The following PHKA1 variants were observed in gnomAD, a reference collection of about 807,000 sequenced individuals.
PHKA1 encodes the protein phosphorylase kinase regulatory subunit alpha 1.
PHKA1 carries 60 observed loss-of-function variants against 110.2 expected under a neutral mutation model. The ratio of observed to expected loss-of-function variants is 0.54; its 90% CI spans 0.44 to 0.68. PHKA1 has a LOEUF of 0.68. Ranked by LOEUF, PHKA1 falls within the 30% of genes least tolerant of loss-of-function variation. PHKA1 has a pLI of 0.00. For missense variants in PHKA1, 801 were observed against 942.5 expected, an observed-to-expected ratio of 0.85 and a Z score of 1.97; for synonymous variants, 316 against 333.6, an observed-to-expected ratio of 0.95 and a Z score of 0.58.
intron 5 of PHKA1, among the ~76,000 whole-genome samples, chrX:72,683,569 TATC>T (rs1271794131): frequency 8.9e-6 from 1 of 112,517 alleles, no homozygotes; most frequent in Non-Finnish European, 1.9e-5. Context: ...TGCGTGAAAC[TATC>T]ATCATAATAA....
intron 4 of PHKA1, 41 bp from the exon 5 acceptor site, chrX:72,684,621 T>C (rs1170672812): frequency 4.7e-6 from 4 of 849,395 alleles, no homozygotes; most frequent in East Asian, 6.4e-5. Context: ...TGGTCAATTA[T>C]CACTATAAGC....
intron 18 of PHKA1, chrX:72,621,676 T>C: frequency 2.1e-6 from 1 of 483,071 alleles, no homozygotes; most frequent in Non-Finnish European, 2.6e-6. Context: ...CTTTCTGTGC[T>C]CTGATGTGAC....
At chrX:72,619,447 C>A in intron 19 of PHKA1, 142 bp from the exon 20 acceptor site, 5 of 440,616 alleles carry the variant, frequency 1.1e-5, no homozygotes, top group East Asian at 4.0e-5. Flanking sequence ...TTGGTAATAT[C>A]AAAGAAAATA....
chrX:72,610,764 T>C (rs1311141335), intron 22 of PHKA1, among the ~76,000 whole-genome samples: 2 of 111,669 alleles, frequency 1.8e-5, no homozygotes, highest in Admixed American at 1.9e-4. Context: ...TTTCCCTTTC[T>C]AGGAGGTAGG....
At chrX:72,634,992 C>T (rs1455256447) in intron 16 of PHKA1, among the ~76,000 whole-genome samples, 163 bp downstream of exon 16, 1 of 112,475 alleles carries the variant, frequency 8.9e-6, no homozygotes, top group East Asian at 2.8e-4. Flanking sequence ...CTCCATGTGT[C>T]CCCAGTGCTT....
Position 72,695,572 on chromosome X carries a change from G to C in PHKA1, c.454+136C>G, listed in dbSNP as rs2054096579. On this transcript the variant is annotated intron_variant, in intron 4 of 31. Transcript: ENST00000373542. The stretch of plus-strand genomic sequence containing the variant: ...TTCTTTGCCATCTCATGATATCTGA[G>C]AATTAATAAATAATAAAAAATACCT... 1.2e-5 allele frequency: 7 copies of C among 601,396 alleles called. No individual in the cohort carries two copies. In the Admixed American group the frequency reaches 2.1e-4, roughly 18 times the overall value. 49.6% of individuals were successfully genotyped at this position (601,396 alleles called of 1,213,427 possible).
At chrX:72,637,932 A>G (rs1286026092) in intron 14 of PHKA1, among the ~76,000 whole-genome samples, 1 of 111,218 alleles carries the variant, frequency 9.0e-6, no homozygotes, top group Non-Finnish European at 1.9e-5. Context: ...TTCCATTTTC[A>G]GTGTACAAGT....
chrX:72,603,133 C>A lies in PHKA1; in HGVS notation c.2903G>T (p.Gly968Val). ...TTCAATCTCACCGCTTCGTTCCACT[C>A]CAAACTCCTTGCCGCTGAGAATGTG... Reference protein sequence around the residue: ...LHHILSGKEFGVERSVRPTDS... With the variant: ...LHHILSGKEFVVERSVRPTDS... Residue 968 changes from glycine to valine, a missense_variant, in exon 26 of 32, where the codon GGA becomes GTA. Gly to Val is a moderately radical substitution (Grantham distance 109). This residue lies in a region of PHKA1 where 502 missense variants were observed against 519.2 expected (regional missense o/e 0.97). Coordinates refer to ENST00000373542, the MANE Select transcript of PHKA1 (RefSeq NM_002637.4). 8.4e-7 allele frequency: 1 copy of A among 1,196,943 alleles called. No homozygotes were observed. The highest frequency in any genetic ancestry group is 1.1e-6 in the Non-Finnish European group (1 of 882,263).
chrX:72,653,107 C>T (rs1044413755), intron 11 of PHKA1, among the ~76,000 whole-genome samples: 29 of 111,151 alleles, frequency 2.6e-4, no homozygotes, highest in African/African-American at 7.8e-4. Flanking sequence ...TAAAACAATC[C>T]GGGATTACTG....
chrX:72,712,510 G>A lies in PHKA1; in HGVS notation c.237+269C>T, dbSNP rs781872867. On this transcript the variant is annotated intron_variant, in intron 2 of 31. Transcript: ENST00000373542. Reference sequence around the variant, plus strand: ...TTAGAGAGTCATGCATTTTAGGAAAGATCCCAGGATAGGATTTTCCACTGT... The same window carrying A: ...TTAGAGAGTCATGCATTTTAGGAAAAATCCCAGGATAGGATTTTCCACTGT... 4.5e-5 allele frequency among the ~76,000 whole-genome samples: 5 copies of A among 112,007 alleles called. No homozygotes were observed. In the East Asian group the frequency reaches 1.4e-3, roughly 31 times the overall value.
At chrX:72,647,062 G>A in intron 13 of PHKA1, among the ~76,000 whole-genome samples, 1 of 109,522 alleles carries the variant, frequency 9.1e-6, no homozygotes, top group Non-Finnish European at 1.9e-5. Context: ...AACCCAGGAG[G>A]CAGAGGTTGC....
intron 28 of PHKA1, among the ~76,000 whole-genome samples, chrX:72,601,196 T>A (rs1189593356): frequency 1.8e-5 from 2 of 112,132 alleles, no homozygotes; most frequent in Non-Finnish European, 3.8e-5. Context: ...CTGATTTAGA[T>A]GTTTCTCCCT....
intron 6 of PHKA1, among the ~76,000 whole-genome samples, chrX:72,671,048 C>T (rs1330438696): frequency 8.1e-5 from 9 of 111,528 alleles, no homozygotes; most frequent in African/African-American, 1.3e-4. Flanking sequence ...CCCTCTCTGA[C>T]CACTCCTATT....
intron 28 of PHKA1, among the ~76,000 whole-genome samples, chrX:72,595,773 T>G (rs1182147500): frequency 9.0e-6 from 1 of 111,539 alleles, no homozygotes; most frequent in African/African-American, 3.3e-5. Context: ...ATGACCGTGG[T>G]TAAAAAAACA....
At chrX:72,699,630 A>T (rs2054180775) in intron 3 of PHKA1, among the ~76,000 whole-genome samples, 1 of 110,626 alleles carries the variant, frequency 9.0e-6, no homozygotes, top group Non-Finnish European at 1.9e-5. Context: ...AAATTTTTTT[A>T]AACTAAGGTT....
At chrX:72,617,391 G>A (rs1556270879) in intron 21 of PHKA1, among the ~76,000 whole-genome samples, 2 of 110,925 alleles carry the variant, frequency 1.8e-5, no homozygotes, top group Admixed American at 9.6e-5. Context: ...ATGGTGGCAC[G>A]CACCTGTGGT....
At chrX:72,600,828 T>A (rs1556241643) in intron 28 of PHKA1, among the ~76,000 whole-genome samples, 1 of 111,316 alleles carries the variant, frequency 9.0e-6, no homozygotes, top group Non-Finnish European at 1.9e-5. Context: ...CTGGACAACA[T>A]AGTGAGACCC....
intron 6 of PHKA1, among the ~76,000 whole-genome samples, chrX:72,667,748 T>C (rs997509350): frequency 8.9e-6 from 1 of 111,916 alleles, no homozygotes; most frequent in African/African-American, 3.2e-5. Flanking sequence ...TCAACTTCTT[T>C]AGATTCCACA....
chrX:72,622,351 A>G (rs1603257600), intron 18 of PHKA1: 2 of 752,727 alleles, frequency 2.7e-6, no homozygotes, highest in Non-Finnish European at 3.1e-6. Flanking sequence ...CTGCCTTAAG[A>G]TACAGGCTAA....
Sources: allele counts gnomAD v4.1 joint callset (sites outside exome capture counted in the v4.1 genomes callset), GRCh38; gene constraint gnomAD v4.1.1; regional missense constraint gnomAD v4.1.1; transcripts MANE v1.5; gene names NCBI Gene and HGNC (gene_info 2026-07-23, HGNC 2026-07-21).